Variants in UGDH observed in about 807,000 individuals in gnomAD.
UGDH encodes UDP-glucose 6-dehydrogenase.
UGDH carries 38 observed loss-of-function variants against 50.6 expected under a neutral mutation model. The ratio of observed to expected loss-of-function variants is 0.75; its 90% CI spans 0.58 to 0.98. UGDH has a LOEUF of 0.98. Among genes scored for constraint, UGDH ranks in the 50% least tolerant of loss-of-function variants. The probability of loss-of-function intolerance (pLI) is 0.00; values close to 1 mark genes in which losing one functional copy is unlikely to be tolerated. For missense variants in UGDH, 465 were observed against 606.2 expected (o/e 0.77, Z 2.45); for synonymous variants, 168 against 199.9 (o/e 0.84, Z 1.35).
chr4:39,510,627 G>A (rs1467941011), intron 4 of UGDH, 34 bp downstream of exon 4: 1 of 1,614,022 alleles, frequency 6.2e-7, no homozygotes, highest in Non-Finnish European at 8.5e-7. Flanking sequence ...ATTTACATAA[G>A]AATAACCAGA....
At chr4:39,514,234 G>C (rs762155193) in intron 2 of UGDH, 50 bp from the exon 3 acceptor site, 2 of 1,324,884 alleles carry the variant, frequency 1.5e-6, no homozygotes, top group Non-Finnish European at 1.1e-6. Flanking sequence ...CCAGTGATAT[G>C]AGATAACCTA....
chr4:39,509,359 G>A (rs1746142346), intron 6 of UGDH, among the ~76,000 whole-genome samples: 1 of 152,078 alleles, frequency 6.6e-6, no homozygotes, highest in Non-Finnish European at 1.5e-5. Context: ...CAGTTTCTGA[G>A]GAGACTATTA....
chr4:39,519,537 A>AATAT (rs201195708), intron 2 of UGDH, among the ~76,000 whole-genome samples: 9 of 151,060 alleles, frequency 6.0e-5, no homozygotes, highest in African/African-American at 1.2e-4. Flanking sequence ...ATATAGTAGT[A>AATAT]ATATATATAT....
chr4:39,509,844 C>T lies in UGDH; in HGVS notation c.727G>A (p.Ala243Thr). The change falls in exon 6 of 12, where the codon GCA becomes ACA. Residue 243 changes from alanine to threonine, a missense_variant. Ala to Thr is a moderately conservative substitution (Grantham distance 58). Transcript: ENST00000316423. ...ACCTCTTCTACATCAGCTCCTGTTG[C>T]TTCACACAGAGCACTTATGGAGTTA... is the stretch of plus-strand genomic sequence containing the variant. ...SINSISALCE[A>T]TGADVEEVAT... is the part of the protein sequence containing the mutation. 6.2e-7 allele frequency: 1 copy of T among 1,613,128 alleles called. No homozygotes were observed. The highest frequency in any genetic ancestry group is 8.5e-7 in the Non-Finnish European group (1 of 1,179,928).
Position 39,514,130 on chromosome 4 carries a change from T to C in UGDH, c.217A>G (p.Thr73Ala). ...SCRGKNLFFSTNIDDAIKEAD... is the reference protein window; with the variant it reads ...SCRGKNLFFSANIDDAIKEAD... ...TCTTTGATGGCATCATCAATATTGG[T>C]AGAAAAAAAAAGATTTTTTCCTCGA... is the stretch of plus-strand genomic sequence containing the variant. The change falls in exon 3 of 12, where the codon ACC becomes GCC. Residue 73 changes from threonine to alanine, a missense_variant. Thr to Ala is a moderately conservative substitution (Grantham distance 58). Coordinates refer to ENST00000316423, the MANE Select transcript of UGDH (RefSeq NM_003359.4). The C allele has an allele frequency of 6.3e-7, 1 of 1,583,260 alleles. No individual in the cohort carries two copies. Among genetic ancestry groups the C allele is most frequent in the African/African-American group, 1.4e-5 (1 of 72,472 alleles).
chr4:39,526,920 T>G, intron 1 of UGDH: 1 of 905,278 alleles, frequency 1.1e-6, no homozygotes, highest in Non-Finnish European at 1.5e-6. Context: ...ACTACGACTC[T>G]GCGGCCAAAA....
chr4:39,504,364 C>T, intron 10 of UGDH, 53 bp downstream of exon 10: 1 of 1,529,398 alleles, frequency 6.5e-7, no homozygotes. Context: ...TCAACCCCAG[C>T]TGATAGTGGA....
intron 1 of UGDH, among the ~76,000 whole-genome samples, chr4:39,524,847 T>G (rs17438829): frequency 0.49 from 73,840 of 151,990 alleles, 20,185 homozygotes; most frequent in Non-Finnish European, 0.59. Context: ...CTTCAGCATG[T>G]TTCCCCAGAG....
Position 39,510,532 on chromosome 4 carries a change from A to T in UGDH, c.484T>A (p.Phe162Ile). 6.2e-7 allele frequency: 1 copy of T among 1,614,112 alleles called. No individual in the cohort carries two copies. The highest frequency in any genetic ancestry group is 8.5e-7 in the Non-Finnish European group (1 of 1,180,014). ...LNLQVLSNPE[F>I]LAEGTAIKDL... Reference sequence around the variant, plus strand: ...TTGATGGCTGTTCCCTCTGCCAGAAACTCAGGGTTGGACAGCACCTAGAAT... The same window carrying T: ...TTGATGGCTGTTCCCTCTGCCAGAATCTCAGGGTTGGACAGCACCTAGAAT... Residue 162 changes from phenylalanine to isoleucine, a missense_variant, in exon 5 of 12, where the codon TTT (phenylalanine) becomes ATT (isoleucine). Transcript: ENST00000316423.
rs1746357269 is a variant in UGDH at position 39,514,192 on chromosome 4, G to T, written c.163-8C>A. The T allele has an allele frequency of 7.1e-7, 1 of 1,408,862 alleles. No homozygotes were observed. The highest frequency in any genetic ancestry group is 1.3e-5 in the South Asian group (1 of 78,456). The allele number at this position is 1,408,862 out of a possible 1,614,324, so 87.3% of individuals were successfully genotyped here. A position where few individuals can be genotyped will look rare whatever the true frequency, so the allele number is the denominator to read the frequency against. On this transcript the variant is annotated splice_region_variant and splice_polypyrimidine_tract_variant and intron_variant, in intron 2 of 11. Coordinates refer to ENST00000316423, the MANE Select transcript of UGDH (RefSeq NM_003359.4). Reference sequence around the variant, plus strand: ...CACTTCTTTTAGTCCTGGCTAAAAAGAAAAAAGAAAAGGAATTGTACATAT... The same window carrying T: ...CACTTCTTTTAGTCCTGGCTAAAAATAAAAAAGAAAAGGAATTGTACATAT...
intron 5 of UGDH, 119 bp downstream of exon 5, chr4:39,510,233 AT>A: frequency 9.9e-7 from 1 of 1,009,342 alleles, no homozygotes; most frequent in African/African-American, 1.6e-5. Context: ...GTGCAAGAAT[AT>A]GATCTTCAAA....
chr4:39,512,658 A>T (rs774505151), intron 3 of UGDH, among the ~76,000 whole-genome samples: 20 of 151,502 alleles, frequency 1.3e-4, no homozygotes, highest in South Asian at 8.3e-4. Flanking sequence ...TAAGTAACTC[A>T]TTGATTTTTT....
chr4:39,501,201 C>T (rs1238539316), intron 11 of UGDH, among the ~76,000 whole-genome samples: 11 of 150,478 alleles, frequency 7.3e-5, no homozygotes, highest in East Asian at 2.0e-4. Context: ...CTCCTGACTT[C>T]GTGATCCATC....
chr4:39,525,987 C>G (rs1746873616), intron 1 of UGDH, among the ~76,000 whole-genome samples: 1 of 152,154 alleles, frequency 6.6e-6, no homozygotes, highest in African/African-American at 2.4e-5. Flanking sequence ...TTCATAAATT[C>G]AAATAAACAT....
At chr4:39,519,715 T>C (rs1746574263) in intron 2 of UGDH, among the ~76,000 whole-genome samples, 1 of 151,920 alleles carries the variant, frequency 6.6e-6, no homozygotes, top group Non-Finnish European at 1.5e-5. Context: ...ATTTTTTGTA[T>C]TTTTAGTAGA....
In UGDH at chr4:39,521,459, G is replaced by C; in HGVS notation, c.54C>G (p.Pro18=). The C allele has an allele frequency of 1.9e-6, 3 of 1,612,320 alleles. No homozygotes were observed. The highest frequency in any genetic ancestry group is 1.1e-5 in the South Asian group (1 of 90,712). The change falls in exon 2 of 12, where the codon CCC becomes CCG. Residue 18 remains proline, a synonymous_variant. Coordinates refer to ENST00000316423, the MANE Select transcript of UGDH (RefSeq NM_003359.4). ...ACATATGAGCAATGACACTACATGTGGGTCCTCCAACATAGCCTGCACCGA... is the reference window on the plus strand; with the variant it reads ...ACATATGAGCAATGACACTACATGTCGGTCCTCCAACATAGCCTGCACCGA... The part of the protein sequence containing the change: ...CCIGAGYVGG[P]TCSVIAHMCP...
At chr4:39,519,470 T>C (rs1746562070) in intron 2 of UGDH, among the ~76,000 whole-genome samples, 1 of 152,140 alleles carries the variant, frequency 6.6e-6, no homozygotes. Flanking sequence ...ATCAGCATTA[T>C]AGAACTCACC....
Position 39,505,333 on chromosome 4 carries a change from C to A in UGDH, c.1075G>T (p.Asp359Tyr). ...SSIYISKYLM[D>Y]EGAHLHIYDP... is the part of the protein sequence containing the mutation. ...TATATATGTAGATGTGCACCTTCAT[C>A]CATCAAATATTTGCTAATATATATA... is the stretch of plus-strand genomic sequence containing the variant. Residue 359 changes from aspartate (D) to tyrosine (Y), a missense_variant, in exon 9 of 12, where the codon GAT becomes TAT. Physicochemically the swap from Asp to Tyr is radical, Grantham distance 160. Transcript: ENST00000316423. 6.3e-7 allele frequency: 1 copy of A among 1,583,976 alleles called. No individual in the cohort carries two copies. Among genetic ancestry groups the A allele is most frequent in the South Asian group, 1.2e-5 (1 of 83,710 alleles).
At chr4:39,515,506 A>G (rs1746407673) in intron 2 of UGDH, among the ~76,000 whole-genome samples, 1 of 152,060 alleles carries the variant, frequency 6.6e-6, no homozygotes, top group Non-Finnish European at 1.5e-5. Flanking sequence ...ATTTAAAAAA[A>G]AAATCCCAGT....
Sources: gnomAD v4.1 joint callset for allele counts (sites outside exome capture counted in the v4.1 genomes callset) on GRCh38, gnomAD v4.1.1 for gene constraint, MANE v1.5 for transcripts, NCBI Gene and HGNC (gene_info 2026-07-23, HGNC 2026-07-21) for gene names.